Variants in CLSTN2 observed in about 807,000 individuals in gnomAD.
The protein encoded by CLSTN2 is calsyntenin 2, also known as calsyntenin-2.
CLSTN2 carries 48 observed loss-of-function variants against 101.2 expected under a neutral mutation model. That is an observed-to-expected ratio of 0.47 (90% CI 0.38 to 0.60). CLSTN2 has a LOEUF of 0.60. Ranked by LOEUF, CLSTN2 falls within the 20% of genes least tolerant of loss-of-function variation. The pLI is 0.00. For missense variants in CLSTN2, 1,160 were observed against 1,238.2 expected (o/e 0.94, Z 0.95); for synonymous variants, 481 against 463.6 (o/e 1.04, Z -0.48).
At chr3:140,153,386 A>C (rs1210227606) in intron 1 of CLSTN2, among the ~76,000 whole-genome samples, 2 of 152,224 alleles carry the variant, frequency 1.3e-5, no homozygotes, top group Non-Finnish European at 2.9e-5. Flanking sequence ...TTGCAGTGAG[A>C]ATTTGGCGGG....
At chr3:140,324,180 A>C (rs2087311001) in intron 2 of CLSTN2, among the ~76,000 whole-genome samples, 1 of 152,232 alleles carries the variant, frequency 6.6e-6, no homozygotes, top group South Asian at 2.1e-4. Flanking sequence ...CTAATTAAAA[A>C]CAGTTGATGG....
At chr3:140,187,737 T>C (rs1024638610) in intron 2 of CLSTN2, among the ~76,000 whole-genome samples, 1 of 151,322 alleles carries the variant, frequency 6.6e-6, no homozygotes, top group Non-Finnish European at 1.5e-5. Flanking sequence ...GTTTCCACTG[T>C]GTCTGTCCAC....
intron 6 of CLSTN2, among the ~76,000 whole-genome samples, chr3:140,458,541 C>A (rs992916012): frequency 6.6e-6 from 1 of 152,132 alleles, no homozygotes; most frequent in Admixed American, 6.5e-5. Context: ...GCAGGACAAT[C>A]CAGTCTTCTC....
At chr3:140,253,901 G>A (rs957433993) in intron 2 of CLSTN2, among the ~76,000 whole-genome samples, 9 of 152,112 alleles carry the variant, frequency 5.9e-5, no homozygotes, top group African/African-American at 2.2e-4. Context: ...AGTGATGTGT[G>A]TGAACTGTTA....
At chr3:140,386,267 G>C (rs1328847105) in intron 2 of CLSTN2, among the ~76,000 whole-genome samples, 1 of 152,182 alleles carries the variant, frequency 6.6e-6, no homozygotes, top group South Asian at 2.1e-4. Context: ...GCTGCCGCTG[G>C]TACTTGAAAC....
chr3:140,459,897 C>T, intron 7 of CLSTN2, 128 bp downstream of exon 7: 1 of 1,063,988 alleles, frequency 9.4e-7, no homozygotes, highest in South Asian at 1.5e-5. Flanking sequence ...GGAACCCTGC[C>T]AATATATATT....
At chr3:140,446,496 C>G (rs1933081649) in intron 5 of CLSTN2, among the ~76,000 whole-genome samples, 1 of 152,114 alleles carries the variant, frequency 6.6e-6, no homozygotes, top group Non-Finnish European at 1.5e-5. Flanking sequence ...TGAAATGTAT[C>G]AAAGTTGTGA....
intron 1 of CLSTN2, among the ~76,000 whole-genome samples, chr3:140,104,351 G>A (rs896166327): frequency 3.9e-5 from 6 of 152,304 alleles, no homozygotes; most frequent in East Asian, 3.9e-4. Context: ...GAAAGAGCTG[G>A]CAGAGGTAGA....
intron 1 of CLSTN2, among the ~76,000 whole-genome samples, chr3:139,974,556 C>A (rs1035222559): frequency 2.0e-5 from 3 of 152,216 alleles, no homozygotes; most frequent in Admixed American, 6.5e-5. Flanking sequence ...TTCCAGGGAG[C>A]TGCATTGACT....
intron 4 of CLSTN2, among the ~76,000 whole-genome samples, chr3:140,405,208 C>T (rs1056370114): frequency 7.3e-5 from 11 of 151,306 alleles, no homozygotes; most frequent in African/African-American, 2.7e-4. Flanking sequence ...TTTGAAATCC[C>T]TTCTAAACCA....
chr3:139,952,746 C>G (rs144411517), intron 1 of CLSTN2, among the ~76,000 whole-genome samples: 1 of 152,276 alleles, frequency 6.6e-6, no homozygotes, highest in African/African-American at 2.4e-5. Flanking sequence ...ATTTCACCGT[C>G]GTCTCACCTT....
intron 1 of CLSTN2, among the ~76,000 whole-genome samples, chr3:140,091,831 G>A (rs1319846732): frequency 7.2e-5 from 11 of 152,140 alleles, no homozygotes; most frequent in African/African-American, 1.7e-4. Flanking sequence ...CTCTGTGTTC[G>A]CTTTTATTGC....
At chr3:140,283,956 T>C (rs2086871882) in intron 2 of CLSTN2, among the ~76,000 whole-genome samples, 1 of 152,202 alleles carries the variant, frequency 6.6e-6, no homozygotes, top group African/African-American at 2.4e-5. Flanking sequence ...TTTGCTCTAA[T>C]TCTCTGTTAG....
chr3:140,117,035 T>G (rs1430951845), intron 1 of CLSTN2, among the ~76,000 whole-genome samples: 1 of 152,160 alleles, frequency 6.6e-6, no homozygotes, highest in African/African-American at 2.4e-5. Flanking sequence ...TGTTCCGGGC[T>G]GGGAGGGGGA....
At chr3:140,047,374 T>A (rs1029966541) in intron 1 of CLSTN2, among the ~76,000 whole-genome samples, 3 of 152,228 alleles carry the variant, frequency 2.0e-5, no homozygotes, top group African/African-American at 7.2e-5. Flanking sequence ...TTCTTTTTCA[T>A]TCATCCATGT....
chr3:140,142,762 G>A (rs1286865055), intron 1 of CLSTN2, among the ~76,000 whole-genome samples: 1 of 152,166 alleles, frequency 6.6e-6, no homozygotes, highest in Non-Finnish European at 1.5e-5. Context: ...TTTGACCTTG[G>A]TTTAGCCCAT....
chr3:140,183,250 C>T (rs2010435491), intron 2 of CLSTN2, among the ~76,000 whole-genome samples: 1 of 152,150 alleles, frequency 6.6e-6, no homozygotes, highest in African/African-American at 2.4e-5. Flanking sequence ...GCCATTTTCC[C>T]TCATTAAGGT....
At chr3:140,018,149 C>T (rs994120912) in intron 1 of CLSTN2, among the ~76,000 whole-genome samples, 1 of 152,222 alleles carries the variant, frequency 6.6e-6, no homozygotes. Flanking sequence ...TCTATCCTTA[C>T]GTCTCATTGT....
chr3:139,969,969 C>T (rs546327447), intron 1 of CLSTN2, among the ~76,000 whole-genome samples: 2 of 152,270 alleles, frequency 1.3e-5, no homozygotes, highest in African/African-American at 4.8e-5. Flanking sequence ...GGAGAGGGCA[C>T]CTGCTTTGGA....
Sources: allele counts gnomAD v4.1 joint callset (sites outside exome capture counted in the v4.1 genomes callset), GRCh38; gene constraint gnomAD v4.1.1; transcripts MANE v1.5; gene names NCBI Gene and HGNC (gene_info 2026-07-23, HGNC 2026-07-21).